The following TENM2 variants were observed in gnomAD, a reference collection of about 807,000 sequenced individuals.
TENM2 encodes teneurin transmembrane protein 2, also known as teneurin-2.
In TENM2, 52 loss-of-function variants were observed where a neutral mutation model predicts 245.2. That is an observed-to-expected ratio of 0.21 (90% confidence interval 0.17 to 0.27). TENM2 has a LOEUF of 0.27. Ranked by LOEUF, TENM2 falls within the 10% of genes least tolerant of loss-of-function variation. TENM2 has a pLI of 1.00. For missense variants in TENM2, 3,046 were observed against 3,666.8 expected, an observed-to-expected ratio of 0.83 and a Z score of 4.37; for synonymous variants, 1,363 against 1,438.9, an observed-to-expected ratio of 0.95 and a Z score of 1.19.
intron 1 of TENM2, among the ~76,000 whole-genome samples, chr5:167,364,778 C>G (rs547845073): frequency 6.6e-6 from 1 of 151,138 alleles, no homozygotes; most frequent in Non-Finnish European, 1.5e-5. Context: ...AGTCTATGTG[C>G]CTAATAACAT....
intron 3 of TENM2, among the ~76,000 whole-genome samples, chr5:167,902,958 G>A (rs553120683): frequency 1.3e-5 from 2 of 152,272 alleles, no homozygotes; most frequent in African/African-American, 2.4e-5. Flanking sequence ...TCCCATGAAC[G>A]TTTTGTTGCA....
intron 2 of TENM2, among the ~76,000 whole-genome samples, chr5:167,559,385 T>C (rs1773451370): frequency 6.6e-6 from 1 of 152,194 alleles, no homozygotes; most frequent in South Asian, 2.1e-4. Context: ...AAACAGTTTG[T>C]GATCTGTCAT....
intron 2 of TENM2, among the ~76,000 whole-genome samples, chr5:167,699,052 T>C (rs1757976739): frequency 6.6e-6 from 1 of 152,128 alleles, no homozygotes; most frequent in African/African-American, 2.4e-5. Flanking sequence ...GAGAATTAAT[T>C]CTACAGTTAG....
chr5:168,124,733 A>G (rs1795716866), intron 10 of TENM2, 117 bp from the exon 13 acceptor site: 1 of 912,072 alleles, frequency 1.1e-6, no homozygotes, highest in Admixed American at 2.6e-5. Context: ...TTTGCTAGCA[A>G]GTGGATGGGA....
intron 2 of TENM2, among the ~76,000 whole-genome samples, chr5:167,750,816 A>G (rs1012488732): frequency 3.9e-5 from 6 of 152,172 alleles, no homozygotes; most frequent in African/African-American, 1.4e-4. Flanking sequence ...ATAGCATAAC[A>G]TGGCTGTTTA....
intron 2 of TENM2, among the ~76,000 whole-genome samples, chr5:167,654,169 C>T (rs1017393158): frequency 6.6e-6 from 1 of 151,432 alleles, no homozygotes; most frequent in Non-Finnish European, 1.5e-5. Flanking sequence ...TGCGGTTTTT[C>T]TCTACCATTT....
the TENM2 span, among the ~76,000 whole-genome samples, chr5:167,059,547 A>G: frequency 6.6e-6 from 1 of 152,298 alleles, no homozygotes; most frequent in South Asian, 2.1e-4. Flanking sequence ...ATATACACAC[A>G]TACATACGTT....
intron 23 of TENM2, 110 bp downstream of exon 25, chr5:168,219,109 A>T: frequency 9.0e-7 from 1 of 1,106,080 alleles, no homozygotes; most frequent in Non-Finnish European, 1.3e-6. Flanking sequence ...TTGTCTTTCT[A>T]ACTTTAATGA....
chr5:167,269,173 A>C, the TENM2 span, among the ~76,000 whole-genome samples: 1 of 152,340 alleles, frequency 6.6e-6, no homozygotes, highest in Non-Finnish European at 1.5e-5. Context: ...GCTGCAAATT[A>C]ACAACAGACC....
At chr5:167,410,156 C>T (rs1762834520) in intron 2 of TENM2, among the ~76,000 whole-genome samples, 1 of 151,918 alleles carries the variant, frequency 6.6e-6, no homozygotes, top group Non-Finnish European at 1.5e-5. Context: ...TACCAGCAAA[C>T]ACCTCCAAGA....
chr5:168,104,291 A>G (rs2152295388), intron 9 of TENM2, among the ~76,000 whole-genome samples: 1 of 152,214 alleles, frequency 6.6e-6, no homozygotes, highest in East Asian at 1.9e-4. Flanking sequence ...GGCCTCCCAA[A>G]GTGCTGGGAT....
intron 10 of TENM2, among the ~76,000 whole-genome samples, chr5:168,122,257 AG>A (rs1309667775): frequency 2.0e-5 from 3 of 152,234 alleles, no homozygotes; most frequent in Non-Finnish European, 4.4e-5. Context: ...GCTCACTGCA[AG>A]CTCCGCCTCC....
At chr5:167,373,929 C>G (rs1314269164) in intron 1 of TENM2, among the ~76,000 whole-genome samples, 1 of 152,184 alleles carries the variant, frequency 6.6e-6, no homozygotes. Context: ...TCAATAAAAA[C>G]CTATTCTCTT....
chr5:168,217,043 G>T, intron 22 of TENM2, 121 bp downstream of exon 24: 1 of 1,153,000 alleles, frequency 8.7e-7, no homozygotes. Context: ...ACAGATCACG[G>T]GGTTGTTTGG....
chr5:167,188,041 G>A, the TENM2 span, among the ~76,000 whole-genome samples: 1 of 152,092 alleles, frequency 6.6e-6, no homozygotes, highest in South Asian at 2.1e-4. Flanking sequence ...ATCTCTGGGA[G>A]CTTGGCTTCA....
chr5:168,197,504 T>C (rs1761545443), intron 15 of TENM2, among the ~76,000 whole-genome samples: 2 of 151,962 alleles, frequency 1.3e-5, no homozygotes, highest in Non-Finnish European at 2.9e-5. Context: ...ATGGAGACCA[T>C]CCTGGTTAAC....
chr5:167,024,507 TGA>T, the TENM2 span, among the ~76,000 whole-genome samples: 2 of 152,090 alleles, frequency 1.3e-5, no homozygotes, highest in African/African-American at 4.8e-5. Flanking sequence ...GAGATGGGAA[TGA>T]GAGACACCAA....
intron 2 of TENM2, among the ~76,000 whole-genome samples, chr5:167,761,686 A>G (rs1482198605): frequency 2.0e-5 from 3 of 152,186 alleles, no homozygotes; most frequent in African/African-American, 7.2e-5. Flanking sequence ...TCTGCAGACC[A>G]TGGATTGAGG....
chr5:167,180,382 G>T, the TENM2 span, among the ~76,000 whole-genome samples: 1 of 151,998 alleles, frequency 6.6e-6, no homozygotes, highest in African/African-American at 2.4e-5. Context: ...CAGAATAAGT[G>T]CTTCTTTACA....
Sources: gnomAD v4.1 joint callset for allele counts (sites outside exome capture counted in the v4.1 genomes callset) on GRCh38, gnomAD v4.1.1 for gene constraint, MANE v1.5 for transcripts, NCBI Gene and HGNC (gene_info 2026-07-23, HGNC 2026-07-21) for gene names.